The following SLC25A48 variants were observed in gnomAD, a reference collection of about 807,000 sequenced individuals.
SLC25A48 encodes solute carrier family 25 member 48.
A neutral mutation model predicts 32.2 loss-of-function variants in SLC25A48; 29 were observed. The ratio of observed to expected loss-of-function variants is 0.90; its 90% CI spans 0.67 to 1.23. The LOEUF is 1.23. SLC25A48 is among the 50% of genes most tolerant of loss of function. SLC25A48 has a pLI of 0.00. For synonymous variants in SLC25A48, 164 were observed against 172.3 expected (o/e 0.95, Z 0.38); for missense variants, 399 against 422.7 (o/e 0.94, Z 0.49).
chr5:135,829,302 C>T (rs1434914510), intron 4 of SLC25A48, among the ~76,000 whole-genome samples: 1 of 152,130 alleles, frequency 6.6e-6, no homozygotes, highest in East Asian at 1.9e-4. Context: ...TACAGAAACC[C>T]CTTGATTCCA....
intron 4 of SLC25A48, among the ~76,000 whole-genome samples, chr5:135,857,101 G>A (rs76596193): frequency 0.014 from 2,206 of 152,332 alleles, 42 homozygotes; most frequent in African/African-American, 0.046. Context: ...CAGCTGGGAC[G>A]CCAAGGGAGG....
chr5:135,879,384 G>A (rs905694062), intron 6 of SLC25A48, among the ~76,000 whole-genome samples: 73 of 152,214 alleles, frequency 4.8e-4, no homozygotes, highest in African/African-American at 1.7e-3. Context: ...CCTTACAGTC[G>A]GGAAAATTGA....
intron 3 of SLC25A48, among the ~76,000 whole-genome samples, chr5:135,698,228 A>G (rs573435135): frequency 1.3e-5 from 2 of 152,220 alleles, no homozygotes; most frequent in Non-Finnish European, 2.9e-5. Flanking sequence ...GGGACCTGCT[A>G]TGGTTCTCAT....
intron 1 of SLC25A48, 124 bp downstream of exon 1, chr5:135,835,017 C>A: frequency 1.6e-6 from 2 of 1,239,286 alleles, no homozygotes; most frequent in South Asian, 1.3e-5. Context: ...GCGCAGCCTG[C>A]TTTGGGGAGT....
At chr5:135,716,354 G>T (rs1003200258) in intron 3 of SLC25A48, among the ~76,000 whole-genome samples, 3 of 152,154 alleles carry the variant, frequency 2.0e-5, no homozygotes, top group East Asian at 1.9e-4. Flanking sequence ...AGACAGTTGG[G>T]TTTTTTATCA....
intron 3 of SLC25A48, among the ~76,000 whole-genome samples, chr5:135,737,051 C>T (rs1755379844): frequency 6.6e-6 from 1 of 152,114 alleles, no homozygotes; most frequent in African/African-American, 2.4e-5. Flanking sequence ...GATTGATCTC[C>T]CGAGGGAGGT....
intron 3 of SLC25A48, among the ~76,000 whole-genome samples, chr5:135,764,744 G>A (rs190566094): frequency 2.4e-4 from 35 of 148,112 alleles, no homozygotes; most frequent in African/African-American, 7.0e-4. Flanking sequence ...ATCACGGGGG[G>A]TGCACACCCC....
intron 3 of SLC25A48, among the ~76,000 whole-genome samples, chr5:135,667,213 T>C (rs1416337366): frequency 6.6e-6 from 1 of 152,162 alleles, no homozygotes; most frequent in African/African-American, 2.4e-5. Context: ...CTCTGTATTC[T>C]AAAAGCACTC....
At chr5:135,589,048 C>T (rs1429735739) in intron 1 of SLC25A48, among the ~76,000 whole-genome samples, 1 of 152,176 alleles carries the variant, frequency 6.6e-6, no homozygotes, top group Non-Finnish European at 1.5e-5. Context: ...CTTCCCAGAA[C>T]CAGTCCAGCC....
At chr5:135,845,692 T>C (rs1759347552) in intron 2 of SLC25A48, among the ~76,000 whole-genome samples, 2 of 152,212 alleles carry the variant, frequency 1.3e-5, no homozygotes, top group South Asian at 4.1e-4. Context: ...AGCTTGTTCA[T>C]GGAGGTACTG....
At chr5:135,650,275 TC>T (rs1284326608) in intron 3 of SLC25A48, 2 of 385,236 alleles carry the variant, frequency 5.2e-6, no homozygotes, top group East Asian at 1.5e-4. Context: ...CAATTGCTAC[TC>T]AAAGTTTGGT....
intron 1 of SLC25A48, among the ~76,000 whole-genome samples, chr5:135,594,127 T>C (rs1751590375): frequency 6.6e-6 from 1 of 152,234 alleles, no homozygotes; most frequent in South Asian, 2.1e-4. Flanking sequence ...ACGGTGACTT[T>C]AGTGGTCAAG....
At chr5:135,700,492 G>A (rs536078209) in intron 3 of SLC25A48, among the ~76,000 whole-genome samples, 1 of 152,158 alleles carries the variant, frequency 6.6e-6, no homozygotes, top group Non-Finnish European at 1.5e-5. Context: ...TATGCTAGGG[G>A]CCGAGGACAG....
intron 3 of SLC25A48, among the ~76,000 whole-genome samples, chr5:135,703,579 C>A (rs530468791): frequency 6.6e-6 from 1 of 152,178 alleles, no homozygotes; most frequent in Middle Eastern, 3.2e-3. Flanking sequence ...GCCTGGTTAA[C>A]CTCTCAGCAA....
At chr5:135,803,093 T>C (rs11738183) in intron 3 of SLC25A48, 97,956 of 151,218 alleles carry the variant, frequency 0.65, 33,998 homozygotes, top group Non-Finnish European at 0.77. Context: ...TAATATCCTA[T>C]GGAGGTATTA....
intron 3 of SLC25A48, among the ~76,000 whole-genome samples, chr5:135,785,292 C>T (rs1756808450): frequency 6.6e-6 from 1 of 152,058 alleles, no homozygotes; most frequent in Non-Finnish European, 1.5e-5. Context: ...GGATGGAACA[C>T]CTCCCTTGCT....
chr5:135,703,771 C>T (rs1021114514), intron 3 of SLC25A48, among the ~76,000 whole-genome samples: 9 of 152,226 alleles, frequency 5.9e-5, no homozygotes, highest in African/African-American at 1.4e-4. Flanking sequence ...TGGATGGTCA[C>T]GTTCACCACT....
At chr5:135,839,054 A>G (rs915561131) in intron 1 of SLC25A48, among the ~76,000 whole-genome samples, 2 of 152,240 alleles carry the variant, frequency 1.3e-5, no homozygotes, top group Non-Finnish European at 2.9e-5. Flanking sequence ...TGCCAGCCTC[A>G]TGGGTATTAT....
chr5:135,854,945 G>A (rs1234567711), intron 4 of SLC25A48, among the ~76,000 whole-genome samples: 1 of 152,146 alleles, frequency 6.6e-6, no homozygotes. Flanking sequence ...ATTACAAACT[G>A]GCCTAATTTC....
Sources: allele counts gnomAD v4.1 joint callset (sites outside exome capture counted in the v4.1 genomes callset), GRCh38; gene constraint gnomAD v4.1.1; transcripts MANE v1.5; gene names NCBI Gene and HGNC (gene_info 2026-07-23, HGNC 2026-07-21).